Variants in ADAD1 observed in about 807,000 individuals in gnomAD.
The protein encoded by ADAD1 is adenosine deaminase domain containing 1, also known as adenosine deaminase domain-containing protein 1.
In ADAD1, 46 loss-of-function variants were observed where a neutral mutation model predicts 66.8. That is an observed-to-expected ratio of 0.69 (90% CI 0.54 to 0.88). ADAD1 has a LOEUF of 0.88. Ranked by LOEUF, ADAD1 falls within the 40% of genes least tolerant of loss-of-function variation. The pLI, the probability that ADAD1 is intolerant of heterozygous loss-of-function variation, is 0.00. For missense variants in ADAD1, 617 were observed against 681.8 expected, an observed-to-expected ratio of 0.91 and a Z score of 1.06; for synonymous variants, 248 against 229.4, an observed-to-expected ratio of 1.08 and a Z score of -0.73.
At chr4:122,402,739 T>G (rs894873337) in intron 7 of ADAD1, among the ~76,000 whole-genome samples, 1 of 152,120 alleles carries the variant, frequency 6.6e-6, no homozygotes, top group Non-Finnish European at 1.5e-5. Context: ...ATTAAAAGCA[T>G]TGTCTTTGAG....
chr4:122,387,952 G>A (rs1427279199), intron 5 of ADAD1, among the ~76,000 whole-genome samples: 2 of 151,910 alleles, frequency 1.3e-5, no homozygotes, highest in Middle Eastern at 3.4e-3. Context: ...GTAGAAACAG[G>A]GTTTTACCGT....
chr4:122,428,972 C>T (rs867943830), intron 12 of ADAD1, among the ~76,000 whole-genome samples: 5 of 151,978 alleles, frequency 3.3e-5, no homozygotes, highest in Non-Finnish European at 5.9e-5. Flanking sequence ...AATGAAAATT[C>T]GCCAAAATAT....
chr4:122,379,322 A>C (rs1794751935), intron 1 of ADAD1, 50 bp from the exon 2 acceptor site: 1 of 152,406 alleles, frequency 6.6e-6, no homozygotes, highest in African/African-American at 2.4e-5. Flanking sequence ...TTCGGAGAAC[A>C]GAGTCACCCA....
At chr4:122,395,549 C>T (rs1040619150) in intron 6 of ADAD1, among the ~76,000 whole-genome samples, 9 of 151,956 alleles carry the variant, frequency 5.9e-5, no homozygotes, top group East Asian at 5.9e-4. Flanking sequence ...GGCATGGTGG[C>T]GCACGCTTGT....
rs1346239613 is a variant in ADAD1 at position 122,426,186 on chromosome 4, TAAG to T, written c.1618-3436_1618-3434del. On this transcript the variant is annotated intron_variant, in intron 12 of 12. Coordinates refer to ENST00000296513, the MANE Select transcript of ADAD1 (RefSeq NM_139243.4). ...AAAAGGTGGTTATCACTACAGACCT[TAAG>T]AAGCTTAAAATTATTATAAGGGATT... Among the ~76,000 whole-genome samples the T allele has an allele frequency of 2.0e-5, 3 of 152,076 alleles. No homozygotes were observed. The East Asian group carries it at 5.8e-4, about 29-fold the overall frequency.
chr4:122,390,932 G>A (rs1053763608), intron 5 of ADAD1, among the ~76,000 whole-genome samples: 4 of 152,280 alleles, frequency 2.6e-5, no homozygotes, highest in Middle Eastern at 3.4e-3. Context: ...TTGTAGAAGA[G>A]GCACTCTGGC....
At chr4:122,423,294 G>T (rs1429298088) in intron 12 of ADAD1, among the ~76,000 whole-genome samples, 1 of 152,230 alleles carries the variant, frequency 6.6e-6, no homozygotes, top group Non-Finnish European at 1.5e-5. Flanking sequence ...TTGCCATCCT[G>T]GTTGGAGGCA....
At chr4:122,421,928 GA>G (rs1016486924) in intron 12 of ADAD1, among the ~76,000 whole-genome samples, 1 of 151,756 alleles carries the variant, frequency 6.6e-6, no homozygotes, top group Non-Finnish European at 1.5e-5. Context: ...TAAAAATACA[GA>G]AAAAATATTA....
In ADAD1 at chr4:122,411,458, A is replaced by G. The variant is rs1274380703; in HGVS notation, c.1019+66A>G. On this transcript the variant is annotated intron_variant, in intron 9 of 12. Coordinates refer to ENST00000296513, the MANE Select transcript of ADAD1 (RefSeq NM_139243.4). Reference sequence around the variant, plus strand: ...GCCATGCCATACATTCTGACTTTCTACAGCAAATAGAACATATAAATTCTA... The same window carrying G: ...GCCATGCCATACATTCTGACTTTCTGCAGCAAATAGAACATATAAATTCTA... 2.1e-6 allele frequency: 3 copies of G among 1,438,890 alleles called. No homozygotes were observed. In the African/African-American group the frequency reaches 4.4e-5, roughly 21 times the overall value. 89.1% of individuals were successfully genotyped at this position (1,438,890 alleles called of 1,614,324 possible).
chr4:122,401,812 A>C (rs1795995381), intron 7 of ADAD1, among the ~76,000 whole-genome samples: 1 of 151,632 alleles, frequency 6.6e-6, no homozygotes, highest in African/African-American at 2.4e-5. Context: ...AAGAATAGCT[A>C]CTCCTGCTTG....
chr4:122,397,652 G>A (rs906461305), intron 7 of ADAD1, among the ~76,000 whole-genome samples: 32 of 152,132 alleles, frequency 2.1e-4, no homozygotes, highest in African/African-American at 7.5e-4. Flanking sequence ...GCCTACATTA[G>A]AGTTGAGGTG....
At position 122,415,396 on chromosome 4, in the gene ADAD1, G is replaced by A; in HGVS notation, c.1267G>A (p.Asp423Asn). 6.2e-7 allele frequency: 1 copy of A among 1,613,114 alleles called. No homozygotes were observed. Among genetic ancestry groups the A allele is most frequent in the South Asian group, 1.1e-5 (1 of 90,838 alleles). ...SILIGDGNCS[D>N]TRGLEIAIKQ... ...CTTTCTAGGTGATGGGAATTGCAGTGATACCAGAGGCTTAGAAATCGCTAT... is the reference window on the plus strand; with the variant it reads ...CTTTCTAGGTGATGGGAATTGCAGTAATACCAGAGGCTTAGAAATCGCTAT... The change falls in exon 11 of 13, where the codon GAT (aspartate) becomes AAT (asparagine). Residue 423 changes from aspartate (D) to asparagine (N), a missense_variant. Physicochemically the swap from Asp to Asn is conservative, Grantham distance 23. Coordinates refer to ENST00000296513, the MANE Select transcript of ADAD1 (RefSeq NM_139243.4).
At chr4:122,414,415 C>G (rs189037324) in intron 10 of ADAD1, among the ~76,000 whole-genome samples, 71 of 151,608 alleles carry the variant, frequency 4.7e-4, no homozygotes, top group Admixed American at 4.3e-3. Flanking sequence ...AACTTTTATT[C>G]TGTGCCCAAG....
In ADAD1 at chr4:122,396,343, T is replaced by TAGC; in HGVS notation, c.693_695dup (p.Ser233dup). On this transcript the variant is annotated inframe_insertion, in exon 7 of 13. Coordinates refer to ENST00000296513, the MANE Select transcript of ADAD1 (RefSeq NM_139243.4). ...CTAATCGTTCAGAATACCTGAAATA[T>TAGC]AGCAGTTCATTGGCTGCTTTTATAA... The TAGC allele has an allele frequency of 6.3e-7, 1 of 1,596,716 alleles. No individual in the cohort carries two copies. The highest frequency in any genetic ancestry group is 8.5e-7 in the Non-Finnish European group (1 of 1,172,914).
intron 11 of ADAD1, among the ~76,000 whole-genome samples, chr4:122,420,296 G>T (rs1321912704): frequency 6.6e-6 from 1 of 152,186 alleles, no homozygotes; most frequent in Non-Finnish European, 1.5e-5. Flanking sequence ...CAGCTGAATG[G>T]TTTTTCTGGA....
chr4:122,426,469 C>G (rs926725723), intron 12 of ADAD1, among the ~76,000 whole-genome samples: 2 of 152,164 alleles, frequency 1.3e-5, no homozygotes, highest in Non-Finnish European at 2.9e-5. Flanking sequence ...AAACACTTCT[C>G]TACTCATTTT....
intron 5 of ADAD1, 33 bp downstream of exon 5, chr4:122,383,999 A>G: frequency 1.3e-6 from 2 of 1,518,520 alleles, no homozygotes; most frequent in Non-Finnish European, 1.8e-6. Flanking sequence ...TATTTATAAG[A>G]GGTATCATTT....
At chr4:122,383,111 T>C (rs1267881225) in intron 4 of ADAD1, among the ~76,000 whole-genome samples, 1 of 152,084 alleles carries the variant, frequency 6.6e-6, no homozygotes. Context: ...ACAAGACAAT[T>C]CTATTTCATT....
chr4:122,420,808 A>T (rs1025641516), intron 11 of ADAD1, among the ~76,000 whole-genome samples: 1 of 152,236 alleles, frequency 6.6e-6, no homozygotes, highest in Non-Finnish European at 1.5e-5. Flanking sequence ...TTATGTGTAT[A>T]TGTTACACTT....
Sources: gnomAD v4.1 joint callset for allele counts (sites outside exome capture counted in the v4.1 genomes callset) on GRCh38, gnomAD v4.1.1 for gene constraint, MANE v1.5 for transcripts, NCBI Gene and HGNC (gene_info 2026-07-23, HGNC 2026-07-21) for gene names.